Variants in ROR2 observed in about 807,000 individuals in gnomAD.
ROR2 encodes the protein tyrosine-protein kinase transmembrane receptor ROR2.
A neutral mutation model predicts 74.9 loss-of-function variants in ROR2; 33 were observed. The ratio of observed to expected loss-of-function variants is 0.44; its 90% CI spans 0.33 to 0.59. The LOEUF (loss-of-function observed/expected upper bound fraction) is 0.59. Ranked by LOEUF, ROR2 falls within the 20% of genes least tolerant of loss-of-function variation. The pLI is 0.02. For synonymous variants in ROR2, 586 were observed against 558.7 expected, an observed-to-expected ratio of 1.05 and a Z score of -0.69; for missense variants, 1,216 against 1,313.8, an observed-to-expected ratio of 0.93 and a Z score of 1.15.
At chr9:91,813,615 C>T (rs1827829493) in intron 1 of ROR2, among the ~76,000 whole-genome samples, 1 of 152,110 alleles carries the variant, frequency 6.6e-6, no homozygotes, top group African/African-American at 2.4e-5. Flanking sequence ...CAGAAAACAC[C>T]CAACCCCAGA....
intron 1 of ROR2, among the ~76,000 whole-genome samples, chr9:91,800,767 A>G (rs918414442): frequency 6.6e-6 from 1 of 152,216 alleles, no homozygotes; most frequent in Admixed American, 6.5e-5. Flanking sequence ...TTACGAGGCC[A>G]CAGTAAAGTT....
intron 1 of ROR2, among the ~76,000 whole-genome samples, chr9:91,776,194 C>CCCT (rs1351912809): frequency 6.6e-6 from 1 of 152,166 alleles, no homozygotes; most frequent in Non-Finnish European, 1.5e-5. Flanking sequence ...CCGCAGACTG[C>CCCT]CCTCCAGATG....
chr9:91,906,399 G>T (rs1375649570), intron 1 of ROR2, among the ~76,000 whole-genome samples: 10 of 152,286 alleles, frequency 6.6e-5, no homozygotes, highest in African/African-American at 1.7e-4. Flanking sequence ...TTAAAGGGTG[G>T]CTCTGCCGTC....
intron 1 of ROR2, among the ~76,000 whole-genome samples, chr9:91,780,917 T>C (rs1053152541): frequency 6.6e-6 from 1 of 152,282 alleles, no homozygotes; most frequent in African/African-American, 2.4e-5. Flanking sequence ...CATTTATTAA[T>C]GAAGTTTCAC....
chr9:91,949,751 C>T (rs1832119935), intron 1 of ROR2, 116 bp downstream of exon 1: 4 of 724,074 alleles, frequency 5.5e-6, no homozygotes, highest in East Asian at 2.8e-5. Flanking sequence ...GCCTGGCGCC[C>T]CTCGTTCAGG....
In ROR2 at chr9:91,724,241, G is replaced by A. The variant is rs1360932991; in HGVS notation, c.2253C>T (p.Asn751=). ...DIHSRLRAWG[N]LSNYNSSAQT... is the part of the protein sequence containing the mutation. ...GCGCCGAGCTGTTGTAGTTGGAAAGGTTGCCCCAGGCTCGGAGCCGGCTGT... is the reference window on the plus strand; with the variant it reads ...GCGCCGAGCTGTTGTAGTTGGAAAGATTGCCCCAGGCTCGGAGCCGGCTGT... Residue 751 remains asparagine, a synonymous_variant, in exon 9 of 9, where the codon AAC becomes AAT. Coordinates refer to ENST00000375708, the MANE Select transcript of ROR2 (RefSeq NM_004560.4). 1.9e-6 allele frequency: 3 copies of A among 1,613,470 alleles called. No individual in the cohort carries two copies. Among genetic ancestry groups the A allele is most frequent in the Admixed American group, 1.7e-5 (1 of 60,010 alleles).
chr9:91,907,940 G>A (rs1242687145), intron 1 of ROR2, among the ~76,000 whole-genome samples: 1 of 152,206 alleles, frequency 6.6e-6, no homozygotes, highest in Non-Finnish European at 1.5e-5. Flanking sequence ...CACAGGGCAA[G>A]GGGCCAGAAT....
chr9:91,923,702 C>T (rs953604658), intron 1 of ROR2: 1 of 152,146 alleles, frequency 6.6e-6, no homozygotes, highest in African/African-American at 2.4e-5. Context: ...ATATTTTAAC[C>T]CTCACATGCA....
At chr9:91,926,594 T>G (rs1831409257) in intron 1 of ROR2, among the ~76,000 whole-genome samples, 1 of 151,828 alleles carries the variant, frequency 6.6e-6, no homozygotes, top group Admixed American at 6.6e-5. Context: ...GCAACAGGAT[T>G]TGAAACACAT....
chr9:91,828,606 C>T (rs532600736), intron 1 of ROR2, among the ~76,000 whole-genome samples: 1 of 152,192 alleles, frequency 6.6e-6, no homozygotes, highest in African/African-American at 2.4e-5. Flanking sequence ...CCCAGGTACT[C>T]GGGAGGCTGA....
intron 1 of ROR2, among the ~76,000 whole-genome samples, chr9:91,809,928 A>C (rs73651531): frequency 1.3e-3 from 193 of 152,366 alleles, no homozygotes; most frequent in African/African-American, 4.5e-3. Context: ...AATTGAAACG[A>C]GTGCCTCTCT....
At chr9:91,746,244 T>C (rs545100785) in intron 4 of ROR2, among the ~76,000 whole-genome samples, 2 of 152,060 alleles carry the variant, frequency 1.3e-5, no homozygotes, top group East Asian at 1.9e-4. Flanking sequence ...GCCTGGCTAA[T>C]GTTTGTATTT....
intron 1 of ROR2, among the ~76,000 whole-genome samples, chr9:91,863,571 T>C (rs978165320): frequency 2.0e-5 from 3 of 151,648 alleles, no homozygotes; most frequent in Non-Finnish European, 2.9e-5. Flanking sequence ...ATCTGTACAG[T>C]GAAAGATGAT....
chr9:91,729,963 T>G (rs1837176869), intron 7 of ROR2, among the ~76,000 whole-genome samples: 1 of 152,194 alleles, frequency 6.6e-6, no homozygotes, highest in South Asian at 2.1e-4. Context: ...GTGTTTTTTG[T>G]TTTTTGTTTT....
intron 1 of ROR2, among the ~76,000 whole-genome samples, chr9:91,798,966 C>T (rs139407155): frequency 6.9e-4 from 105 of 152,240 alleles, no homozygotes; most frequent in African/African-American, 2.3e-3. Context: ...GAAAGAGCAA[C>T]CTCTTGGAGA....
At chr9:91,939,539 C>T (rs796479190) in intron 1 of ROR2, among the ~76,000 whole-genome samples, 2 of 152,212 alleles carry the variant, frequency 1.3e-5, no homozygotes, top group African/African-American at 4.8e-5. Context: ...TTAACTGGGG[C>T]GTTCATCTTT....
chr9:91,873,227 G>T (rs988388708), intron 1 of ROR2, among the ~76,000 whole-genome samples: 2 of 152,132 alleles, frequency 1.3e-5, no homozygotes, highest in African/African-American at 4.8e-5. Flanking sequence ...CTGCCTGTGT[G>T]CATCGGGCCC....
At chr9:91,891,958 G>C (rs1325751348) in intron 1 of ROR2, among the ~76,000 whole-genome samples, 1 of 150,064 alleles carries the variant, frequency 6.7e-6, no homozygotes, top group Non-Finnish European at 1.5e-5. Flanking sequence ...TGAGGCAGAA[G>C]AACTGCTTGA....
At chr9:91,835,048 C>A (rs1676459931) in intron 1 of ROR2, among the ~76,000 whole-genome samples, 1 of 152,176 alleles carries the variant, frequency 6.6e-6, no homozygotes, top group Non-Finnish European at 1.5e-5. Context: ...CCAGGCATGT[C>A]TTACAACACA....
Sources: allele counts gnomAD v4.1 joint callset (sites outside exome capture counted in the v4.1 genomes callset), GRCh38; gene constraint gnomAD v4.1.1; transcripts MANE v1.5; gene names NCBI Gene and HGNC (gene_info 2026-07-23, HGNC 2026-07-21).